Variants in PHACTR3 observed in about 807,000 individuals in gnomAD.
PHACTR3 encodes protein phosphatase 1, regulatory subunit 123.
Under a neutral mutation model 66.8 loss-of-function variants are expected in PHACTR3, and 16 were observed. The ratio of observed to expected loss-of-function variants is 0.24; its 90% confidence interval spans 0.16 to 0.36. The LOEUF is 0.36. PHACTR3 is among the 10% of genes least tolerant of loss of function. The pLI is 1.00. For synonymous variants in PHACTR3, 323 were observed against 292.1 expected (o/e 1.11, Z -1.08); for missense variants, 647 against 719.9 (o/e 0.90, Z 1.16).
intron 8 of PHACTR3, among the ~76,000 whole-genome samples, chr20:59,813,886 A>T (rs1355497249): frequency 1.3e-5 from 2 of 152,184 alleles, no homozygotes; most frequent in African/African-American, 4.8e-5. Flanking sequence ...ACCATCTCCC[A>T]GTGGCACAGC....
chr20:59,635,092 TC>T (rs2034799499), intron 1 of PHACTR3, among the ~76,000 whole-genome samples: 1 of 138,844 alleles, frequency 7.2e-6, no homozygotes, highest in South Asian at 2.5e-4. Context: ...TTTCTTTCTT[TC>T]TTTCTCTCTC....
chr20:59,733,612 G>A (rs761025934), intron 1 of PHACTR3, among the ~76,000 whole-genome samples: 15 of 152,172 alleles, frequency 9.9e-5, no homozygotes, highest in Non-Finnish European at 1.8e-4. Flanking sequence ...GAGGGGCGGA[G>A]TTGTCAAAGA....
chr20:59,843,499 T>C (rs1182597774), intron 11 of PHACTR3: 1 of 152,062 alleles, frequency 6.6e-6, no homozygotes, highest in African/African-American at 2.4e-5. Context: ...CATAGACCAA[T>C]GGAAAAGAAT....
At chr20:59,673,877 C>T (rs1222725788) in intron 1 of PHACTR3, among the ~76,000 whole-genome samples, 1 of 152,182 alleles carries the variant, frequency 6.6e-6, no homozygotes, top group Non-Finnish European at 1.5e-5. Context: ...GTTTCCTCAC[C>T]TGACCTGCAC....
upstream of PHACTR3, among the ~76,000 whole-genome samples, chr20:59,601,314 C>T (rs2033473035): frequency 6.6e-6 from 1 of 152,240 alleles, no homozygotes; most frequent in African/African-American, 2.4e-5. Flanking sequence ...CCCTCCTTTT[C>T]ATGGCTGCAT....
Position 59,817,787 on chromosome 20 carries a change from T to A in PHACTR3, c.1328+11593T>A, listed in dbSNP as rs736182. On this transcript the variant is annotated intron_variant, in intron 8 of 12. Transcript: ENST00000371015. The stretch of plus-strand genomic sequence containing the variant: ...TTTGGTGAAATAGCCTTCATGTAAA[T>A]GTTGAGAGCCTCTTCCTATTTTTAA... Among the ~76,000 whole-genome samples, 1,188 of 152,308 alleles carry A rather than the reference T, an allele frequency of 7.8e-3. 17 individuals carry two copies. The highest frequency in any genetic ancestry group is 0.026 in the African/African-American group (1,098 of 41,566).
intron 1 of PHACTR3, among the ~76,000 whole-genome samples, chr20:59,577,906 C>G (rs753401899): frequency 6.6e-6 from 1 of 152,252 alleles, no homozygotes; most frequent in East Asian, 1.9e-4. Context: ...TTGGAATTCC[C>G]CTCTGCCCGC....
At chr20:59,643,792 A>G (rs1350348135) in intron 1 of PHACTR3, among the ~76,000 whole-genome samples, 1 of 152,100 alleles carries the variant, frequency 6.6e-6, no homozygotes, top group African/African-American at 2.4e-5. Flanking sequence ...TACTTGTCTA[A>G]AAGTATTGGA....
At chr20:59,813,688 C>G (rs1158500934) in intron 8 of PHACTR3, among the ~76,000 whole-genome samples, 1 of 152,080 alleles carries the variant, frequency 6.6e-6, no homozygotes, top group Non-Finnish European at 1.5e-5. Context: ...GGAAGCAGCA[C>G]CGCCTTCCCA....
Position 59,840,446 on chromosome 20 carries a change from TA to T in PHACTR3, c.1446+17del. On this transcript the variant is annotated intron_variant, in intron 10 of 12. Coordinates refer to ENST00000371015, the MANE Select transcript of PHACTR3 (RefSeq NM_080672.5). ...GACAAGAAAGGTAGTATAAGCATTTTATTGCCTGAATAATAAAAGGTGGTCT... is the reference window on the plus strand; with the variant it reads ...GACAAGAAAGGTAGTATAAGCATTTTTTGCCTGAATAATAAAAGGTGGTCT... 6.2e-7 allele frequency: 1 copy of T among 1,612,896 alleles called. No homozygotes were observed. Among genetic ancestry groups the T allele is most frequent in the South Asian group, 1.1e-5 (1 of 90,842 alleles).
chr20:59,673,092 A>C (rs2036250552), intron 1 of PHACTR3, among the ~76,000 whole-genome samples: 1 of 152,094 alleles, frequency 6.6e-6, no homozygotes, highest in South Asian at 2.1e-4. Flanking sequence ...CTAGTGTGTG[A>C]GGCTGTGTAG....
intron 1 of PHACTR3, among the ~76,000 whole-genome samples, chr20:59,579,432 C>T (rs951938757): frequency 8.5e-5 from 13 of 152,124 alleles, no homozygotes; most frequent in African/African-American, 2.9e-4. Flanking sequence ...TGGGATGCTG[C>T]GGGGAGCAGG....
At chr20:59,755,627 TA>T (rs1248884675) in intron 4 of PHACTR3, among the ~76,000 whole-genome samples, 1 of 72,526 alleles carries the variant, frequency 1.4e-5, no homozygotes, top group African/African-American at 4.1e-5. Flanking sequence ...CTGGCACACC[TA>T]CCCCCCCTCC....
intron 1 of PHACTR3, among the ~76,000 whole-genome samples, chr20:59,739,629 A>T (rs544658755): frequency 6.6e-6 from 1 of 152,172 alleles, no homozygotes; most frequent in African/African-American, 2.4e-5. Flanking sequence ...CATGGGGGAA[A>T]CCACCTCCCT....
At chr20:59,582,622 C>A (rs1469800418) in intron 1 of PHACTR3, among the ~76,000 whole-genome samples, 1 of 152,178 alleles carries the variant, frequency 6.6e-6, no homozygotes, top group Non-Finnish European at 1.5e-5. Flanking sequence ...TGCCAATCCT[C>A]CAGAGAAGTG....
intron 7 of PHACTR3, among the ~76,000 whole-genome samples, chr20:59,802,740 C>A (rs2041452622): frequency 6.6e-6 from 1 of 152,182 alleles, no homozygotes; most frequent in African/African-American, 2.4e-5. Context: ...CCTCCTAAGC[C>A]CTGTCAGTTG....
At chr20:59,802,721 C>T (rs2041451528) in intron 7 of PHACTR3, among the ~76,000 whole-genome samples, 1 of 152,248 alleles carries the variant, frequency 6.6e-6, no homozygotes, top group Admixed American at 6.5e-5. Flanking sequence ...CCGGCATTTG[C>T]CCATCCTTCC....
chr20:59,842,487 G>A (rs1275458549), intron 11 of PHACTR3, among the ~76,000 whole-genome samples: 2 of 152,132 alleles, frequency 1.3e-5, no homozygotes, highest in East Asian at 1.9e-4. Flanking sequence ...TTGGTGGTCT[G>A]CAGATGTGTT....
intron 1 of PHACTR3, among the ~76,000 whole-genome samples, chr20:59,637,529 A>G (rs912535354): frequency 2.0e-5 from 3 of 152,160 alleles, no homozygotes; most frequent in African/African-American, 7.2e-5. Flanking sequence ...CACAGATTAA[A>G]TGCTCCATAG....
Sources: allele counts gnomAD v4.1 joint callset (sites outside exome capture counted in the v4.1 genomes callset), GRCh38; gene constraint gnomAD v4.1.1; transcripts MANE v1.5; gene names NCBI Gene and HGNC (gene_info 2026-07-23, HGNC 2026-07-21).